Variants in DAB1 observed in about 807,000 individuals in gnomAD.
DAB1 encodes the protein DAB adaptor protein 1.
DAB1 carries 15 observed loss-of-function variants against 64.6 expected under a neutral mutation model. That is an observed-to-expected ratio of 0.23 (90% CI 0.16 to 0.36). DAB1 has a LOEUF of 0.36. Ranked by LOEUF, DAB1 falls within the 10% of genes least tolerant of loss-of-function variation. DAB1 has a pLI of 1.00. For synonymous variants in DAB1, 235 were observed against 251.9 expected, an observed-to-expected ratio of 0.93 and a Z score of 0.64; for missense variants, 596 against 706.7, an observed-to-expected ratio of 0.84 and a Z score of 1.78.
At chr1:57,300,309 C>T (rs1249515703) in intron 1 of DAB1, among the ~76,000 whole-genome samples, 3 of 152,114 alleles carry the variant, frequency 2.0e-5, no homozygotes, top group South Asian at 4.1e-4. Flanking sequence ...ACAGTGATTG[C>T]ATGGCATGCT....
intron 7 of DAB1, among the ~76,000 whole-genome samples, chr1:57,434,400 T>C (rs1475813538): frequency 6.6e-6 from 1 of 152,198 alleles, no homozygotes; most frequent in Non-Finnish European, 1.5e-5. Context: ...GAGGGTATTA[T>C]TGTGATTCCA....
intron 1 of DAB1, among the ~76,000 whole-genome samples, chr1:57,847,279 G>GAA (rs546954100): frequency 9.1e-5 from 12 of 131,234 alleles, no homozygotes; most frequent in African/African-American, 2.0e-4. Flanking sequence ...ATCACAGGAG[G>GAA]AAAAAAAAAA....
intron 9 of DAB1, among the ~76,000 whole-genome samples, chr1:57,037,832 T>C (rs1226017267): frequency 6.6e-6 from 1 of 152,192 alleles, no homozygotes; most frequent in Non-Finnish European, 1.5e-5. Context: ...AGGTGGGGAA[T>C]AGAAACTCTG....
chr1:57,931,075 T>C (rs1156571381), intron 5 of DAB1, among the ~76,000 whole-genome samples: 2 of 152,210 alleles, frequency 1.3e-5, no homozygotes, highest in Admixed American at 1.3e-4. Context: ...CATTGGATTT[T>C]GTCAAATGCT....
chr1:57,087,918 C>T (rs1457725480), intron 4 of DAB1, among the ~76,000 whole-genome samples: 1 of 152,172 alleles, frequency 6.6e-6, no homozygotes, highest in Non-Finnish European at 1.5e-5. Context: ...GTGCAGGGAT[C>T]ATAATAGACC....
chr1:57,992,738 C>A (rs180718320), intron 5 of DAB1, among the ~76,000 whole-genome samples: 1 of 152,066 alleles, frequency 6.6e-6, no homozygotes, highest in Non-Finnish European at 1.5e-5. Flanking sequence ...CTGCTTGAAT[C>A]CTTGTGGTGG....
intron 4 of DAB1, among the ~76,000 whole-genome samples, chr1:58,223,027 C>G (rs927497077): frequency 1.3e-5 from 2 of 152,162 alleles, no homozygotes; most frequent in African/African-American, 4.8e-5. Flanking sequence ...ATAGCACTTA[C>G]CCCATTTGTT....
chr1:57,984,726 C>A (rs1646169306), intron 5 of DAB1, among the ~76,000 whole-genome samples: 1 of 152,200 alleles, frequency 6.6e-6, no homozygotes, highest in African/African-American at 2.4e-5. Context: ...ATCTGTAAGT[C>A]AGTTAAATTG....
At chr1:57,490,386 A>C (rs1040933748) in intron 7 of DAB1, among the ~76,000 whole-genome samples, 12 of 152,268 alleles carry the variant, frequency 7.9e-5, no homozygotes, top group Admixed American at 2.0e-4. Flanking sequence ...TTTATTATTT[A>C]TTACATATTT....
At chr1:58,072,564 T>C (rs1649343677) in intron 5 of DAB1, among the ~76,000 whole-genome samples, 1 of 152,242 alleles carries the variant, frequency 6.6e-6, no homozygotes, top group East Asian at 1.9e-4. Flanking sequence ...TGTGACAGAG[T>C]AGGAATCAAG....
At chr1:57,529,191 A>T (rs941379539) in intron 7 of DAB1, among the ~76,000 whole-genome samples, 1 of 152,244 alleles carries the variant, frequency 6.6e-6, no homozygotes, top group South Asian at 2.1e-4. Context: ...CAAGGTGCAT[A>T]CATAATTTAT....
intron 1 of DAB1, among the ~76,000 whole-genome samples, chr1:57,362,756 T>C (rs964821652): frequency 6.6e-6 from 1 of 152,130 alleles, no homozygotes; most frequent in African/African-American, 2.4e-5. Flanking sequence ...CTACTCAGTT[T>C]ATGGCATTTT....
chr1:57,705,316 T>C (rs944667582), intron 6 of DAB1, among the ~76,000 whole-genome samples: 6 of 152,176 alleles, frequency 3.9e-5, no homozygotes, highest in African/African-American at 1.4e-4. Flanking sequence ...AGCATCCTCA[T>C]AGTTTAGGTA....
intron 9 of DAB1, among the ~76,000 whole-genome samples, chr1:57,029,219 T>G (rs1479608039): frequency 6.6e-6 from 1 of 152,112 alleles, no homozygotes; most frequent in Non-Finnish European, 1.5e-5. Flanking sequence ...CTTCTGAGGG[T>G]AGAAGCCCCA....
rs534936155 is a variant in DAB1 at position 58,169,124 on chromosome 1, T to G, written n.310-18536A>C. On this transcript the variant is annotated intron_variant and non_coding_transcript_variant, in intron 4 of 20. Coordinates refer to the DAB1 transcript ENST00000485760. The stretch of plus-strand genomic sequence containing the variant: ...CTGCTGCAGGTTCTTGGGCCAGAGG[T>G]GTTTCTGCTGCTGTGTCAGTGAGCA... Among the ~76,000 whole-genome samples the G allele has an allele frequency of 2.6e-5, 4 of 152,206 alleles. No individual in the cohort carries two copies. The East Asian group carries it at 7.7e-4, about 29-fold the overall frequency.
intron 3 of DAB1, among the ~76,000 whole-genome samples, chr1:58,385,351 T>C (rs1051245552): frequency 6.6e-6 from 1 of 152,232 alleles, no homozygotes; most frequent in Admixed American, 6.5e-5. Context: ...TTACCCTGTC[T>C]TACTCTTGCA....
intron 6 of DAB1, among the ~76,000 whole-genome samples, chr1:57,666,000 C>G (rs1235039392): frequency 6.6e-6 from 1 of 151,456 alleles, no homozygotes; most frequent in Non-Finnish European, 1.5e-5. Context: ...ATTCTTCTGC[C>G]CTTAGGAAAG....
At chr1:58,465,237 G>A (rs1645282828) in intron 3 of DAB1, among the ~76,000 whole-genome samples, 1 of 152,148 alleles carries the variant, frequency 6.6e-6, no homozygotes, top group South Asian at 2.1e-4. Context: ...CAGCCCCTGA[G>A]CACACCACTG....
chr1:57,044,422 AT>A (rs1215256428), intron 9 of DAB1, among the ~76,000 whole-genome samples: 2 of 152,228 alleles, frequency 1.3e-5, no homozygotes, highest in Non-Finnish European at 2.9e-5. Context: ...ATCTTACAGT[AT>A]TACAGAAACT....
Sources: allele counts gnomAD v4.1 joint callset (sites outside exome capture counted in the v4.1 genomes callset), GRCh38; gene constraint gnomAD v4.1.1; transcripts MANE v1.5; gene names NCBI Gene and HGNC (gene_info 2026-07-23, HGNC 2026-07-21).